ANTXRL: variants seen among roughly 807,000 people sequenced by gnomAD.
The protein encoded by ANTXRL is ANTXR like.
A neutral mutation model predicts 75.4 loss-of-function variants in ANTXRL; 63 were observed. The observed-to-expected ratio is 0.84, with a 90% CI of 0.68 to 1.03. ANTXRL has a LOEUF of 1.03. ANTXRL is among the 50% of genes least tolerant of loss of function. The pLI is 0.00. For synonymous variants in ANTXRL, 335 were observed against 291.3 expected, an observed-to-expected ratio of 1.15 and a Z score of -1.53; for missense variants, 797 against 789.4, an observed-to-expected ratio of 1.01 and a Z score of -0.12.
intron 7 of ANTXRL, among the ~76,000 whole-genome samples, 172 bp downstream of exon 7, chr10:46,297,646 A>C (rs1181347898): frequency 2.0e-5 from 3 of 152,136 alleles, no homozygotes; most frequent in African/African-American, 7.2e-5. Context: ...CACCATGCCA[A>C]AGGGGAGGGT....
chr10:46,306,767 G>A, intron 10 of ANTXRL, 36 bp from the exon 11 acceptor site: 4 of 1,480,420 alleles, frequency 2.7e-6, no homozygotes, highest in South Asian at 1.3e-5. Flanking sequence ...GGACAGACAG[G>A]TGCACTGACA....
At chr10:46,302,391 C>CT (rs1484600610) in intron 9 of ANTXRL, among the ~76,000 whole-genome samples, 6 of 152,118 alleles carry the variant, frequency 3.9e-5, no homozygotes, top group African/African-American at 7.2e-5. Context: ...CACCTGGGGC[C>CT]GAGGGAGCAC....
chr10:46,306,940 T>A, intron 11 of ANTXRL, 68 bp downstream of exon 11: 1 of 1,329,158 alleles, frequency 7.5e-7, no homozygotes, highest in Non-Finnish European at 1.0e-6. Flanking sequence ...CCTTGAGGTG[T>A]ACAAAATGTG....
intron 2 of ANTXRL, among the ~76,000 whole-genome samples, chr10:46,293,519 G>C (rs1837168316): frequency 8.6e-6 from 1 of 116,430 alleles, no homozygotes; most frequent in Admixed American, 8.8e-5. Flanking sequence ...GTGTGTGTGT[G>C]TGCCTCTGTG....
chr10:46,298,805 G>A (rs1366802859), intron 9 of ANTXRL, among the ~76,000 whole-genome samples: 2 of 151,290 alleles, frequency 1.3e-5, no homozygotes, highest in African/African-American at 2.4e-5. Context: ...TGTGTACTTC[G>A]GGTGTGTGGT....
At chr10:46,321,103 G>A (rs1171825056) in intron 16 of ANTXRL, among the ~76,000 whole-genome samples, 1 of 152,140 alleles carries the variant, frequency 6.6e-6, no homozygotes, top group Non-Finnish European at 1.5e-5. Flanking sequence ...GAGTTTCAAG[G>A]TGATTCTCTT....
At chr10:46,322,457 CA>C (rs797036561) in intron 16 of ANTXRL, among the ~76,000 whole-genome samples, 15,273 of 90,258 alleles carry the variant, frequency 0.17, 723 homozygotes, top group Middle Eastern at 0.28. Flanking sequence ...GACTCCATCT[CA>C]AAAAAAAAAA....
At chr10:46,325,937 C>T (rs1839190350) in intron 16 of ANTXRL, among the ~76,000 whole-genome samples, 1 of 152,050 alleles carries the variant, frequency 6.6e-6, no homozygotes, top group Non-Finnish European at 1.5e-5. Context: ...GGTCAGGGAG[C>T]CATTCGAAAT....
At chr10:46,288,430 C>T (rs76267966) in intron 1 of ANTXRL, among the ~76,000 whole-genome samples, 4,424 of 152,166 alleles carry the variant, frequency 0.029, 152 homozygotes, top group East Asian at 0.13. Flanking sequence ...GTGCTGCACA[C>T]TTTCCAGCAT....
chr10:46,289,390 A>G (rs1427418050), intron 1 of ANTXRL, among the ~76,000 whole-genome samples: 3 of 152,296 alleles, frequency 2.0e-5, no homozygotes, highest in African/African-American at 4.8e-5. Flanking sequence ...GTGTTGTGCA[A>G]TCACCACCAT....
Position 46,306,721 on chromosome 10 carries a change from C to T in ANTXRL, c.896-82C>T, listed in dbSNP as rs114857564. On this transcript the variant is annotated intron_variant, in intron 10 of 16. Transcript: ENST00000620264. ...TGCCGGTCCTGGGCCACAGGGTCAG[C>T]CCTGCATGCTGAGGACAGACATGGG... is the stretch of plus-strand genomic sequence containing the variant. The T allele has an allele frequency of 1.8e-3, 2,247 of 1,257,308 alleles. 41 individuals are homozygous for T. In the African/African-American group the frequency reaches 0.03, roughly 17 times the overall value. 77.9% of individuals were successfully genotyped at this position (1,257,308 alleles called of 1,614,324 possible). A position where few individuals can be genotyped will look rare whatever the true frequency, so the allele number is the denominator to read the frequency against.
intron 2 of ANTXRL, chr10:46,293,203 CAT>C (rs1247954500): frequency 1.3e-5 from 2 of 151,504 alleles, no homozygotes; most frequent in Admixed American, 6.6e-5. Context: ...TGTGTGGGTG[CAT>C]ATGTGTGTGA....
chr10:46,316,113 T>A (rs1207560570), intron 16 of ANTXRL, among the ~76,000 whole-genome samples: 2 of 152,116 alleles, frequency 1.3e-5, no homozygotes, highest in Non-Finnish European at 2.9e-5. Flanking sequence ...TATCACTCGA[T>A]CCATCAGGAA....
Position 46,315,016 on chromosome 10 carries a change from G to A in ANTXRL, c.1410+1700G>A, listed in dbSNP as rs115921521. 2.2e-3 allele frequency among the ~76,000 whole-genome samples: 333 copies of A among 152,268 alleles called. 2 individuals carry two copies. The highest frequency in any genetic ancestry group is 7.1e-3 in the African/African-American group (294 of 41,532). On this transcript the variant is annotated intron_variant, in intron 16 of 16. Coordinates refer to ENST00000620264, the MANE Select transcript of ANTXRL (RefSeq NM_001278688.3). ...CTGAGTGTCTTGTAAGATTTCTGTC[G>A]GATACCCAAGAATTCAGACAATCTG...
intron 13 of ANTXRL, among the ~76,000 whole-genome samples, chr10:46,310,208 G>A (rs1838341439): frequency 6.6e-6 from 1 of 152,126 alleles, no homozygotes; most frequent in Admixed American, 6.5e-5. Flanking sequence ...TAGGGACCTG[G>A]TCCCTGGCCT....
chr10:46,297,230 C>T (rs1235287542), intron 5 of ANTXRL, 22 bp from the exon 6 acceptor site: 7 of 1,532,998 alleles, frequency 4.6e-6, no homozygotes, highest in African/African-American at 1.4e-5. Context: ...GCTGAGCAGG[C>T]CACTCTTTGC....
At chr10:46,302,062 G>A (rs78534126) in intron 9 of ANTXRL, among the ~76,000 whole-genome samples, 1,962 of 152,262 alleles carry the variant, frequency 0.013, 58 homozygotes, top group African/African-American at 0.045. Flanking sequence ...TGCTGGTTCA[G>A]GAAGAGCAGA....
At chr10:46,305,005 A>G (rs1359135444) in intron 10 of ANTXRL, among the ~76,000 whole-genome samples, 2 of 152,314 alleles carry the variant, frequency 1.3e-5, no homozygotes, top group East Asian at 3.9e-4. Context: ...GTAGATGGCC[A>G]TTCTGCTCCT....
chr10:46,288,170 C>T lies in ANTXRL; in HGVS notation c.248+660C>T, dbSNP rs139646695. On this transcript the variant is annotated intron_variant, in intron 1 of 16. Transcript: ENST00000620264. ...CAGCTTTGGAGAGATTGCCTTGGTTCCCTTTCCTGCTCCTCCTGCTGGGTG... is the reference window on the plus strand; with the variant it reads ...CAGCTTTGGAGAGATTGCCTTGGTTTCCTTTCCTGCTCCTCCTGCTGGGTG... Among the ~76,000 whole-genome samples the T allele has an allele frequency of 3.9e-3, 588 of 152,220 alleles. 6 individuals are homozygous for T. The highest frequency in any genetic ancestry group is 8.2e-3 in the Admixed American group (126 of 15,288).
Sources: allele counts gnomAD v4.1 joint callset (sites outside exome capture counted in the v4.1 genomes callset), GRCh38; gene constraint gnomAD v4.1.1; transcripts MANE v1.5; gene names NCBI Gene and HGNC (gene_info 2026-07-23, HGNC 2026-07-21).